The following PUDP variants were observed in gnomAD, a reference collection of about 807,000 sequenced individuals.
PUDP encodes pseudouridine 5'-phosphatase.
PUDP carries 8 observed loss-of-function variants against 9.4 expected under a neutral mutation model. The observed-to-expected ratio is 0.85, with a 90% CI of 0.50 to 1.53. PUDP has a LOEUF of 1.53. Ranked by LOEUF, PUDP falls within the 40% of genes most tolerant of loss-of-function variation. The pLI is 0.00. For synonymous variants in PUDP, 99 were observed against 80.7 expected, an observed-to-expected ratio of 1.23 and a Z score of -1.22; for missense variants, 188 against 189.7, an observed-to-expected ratio of 0.99 and a Z score of 0.05.
At chrX:6,822,520 G>A (rs749887103) in intron 3 of PUDP, among the ~76,000 whole-genome samples, 1 of 111,452 alleles carries the variant, frequency 9.0e-6, no homozygotes, top group Non-Finnish European at 1.9e-5. Context: ...TCCGCCTCCC[G>A]GGTTCAAGCT....
At chrX:6,845,338 T>C (rs73627094) in intron 3 of PUDP, among the ~76,000 whole-genome samples, 98 of 111,662 alleles carry the variant, frequency 8.8e-4, no homozygotes, top group African/African-American at 3.1e-3. Context: ...GTGAAAACAA[T>C]CTCTCTGACC....
At chrX:6,858,322 CTTTTTTTTTTTTCTTTT>C (rs1162706259) in intron 3 of PUDP, among the ~76,000 whole-genome samples, 4 of 89,468 alleles carry the variant, frequency 4.5e-5, no homozygotes, top group Non-Finnish European at 8.8e-5. Context: ...TTTTTTCTTT[CTTTTTTTTTTTTCTTTT>C]TTTTTTTTGA....
chrX:6,857,065 G>A (rs981060356), intron 3 of PUDP, among the ~76,000 whole-genome samples: 11 of 112,556 alleles, frequency 9.8e-5, no homozygotes, highest in Non-Finnish European at 1.3e-4. Context: ...GTTCCATACC[G>A]ATGTGTTTAG....
intron 3 of PUDP, among the ~76,000 whole-genome samples, chrX:6,745,583 GT>G (rs747603335): frequency 8.9e-6 from 1 of 111,792 alleles, no homozygotes; most frequent in Non-Finnish European, 1.9e-5. Flanking sequence ...TGGCCAGTGG[GT>G]TTTTTTCAAA....
At chrX:6,773,254 G>A (rs1042120917) in intron 3 of PUDP, among the ~76,000 whole-genome samples, 3 of 112,184 alleles carry the variant, frequency 2.7e-5, no homozygotes, top group Non-Finnish European at 5.6e-5. Context: ...AAAGAGCCAT[G>A]CTATCAGGGG....
intron 1 of PUDP, among the ~76,000 whole-genome samples, chrX:7,019,462 G>T (rs1229162090): frequency 8.9e-6 from 1 of 112,042 alleles, no homozygotes; most frequent in Non-Finnish European, 1.9e-5. Flanking sequence ...GATAAATTCT[G>T]CATGGAGGCA....
chrX:6,831,695 T>C (rs1364297052), intron 3 of PUDP, among the ~76,000 whole-genome samples: 2 of 112,437 alleles, frequency 1.8e-5, no homozygotes, highest in African/African-American at 6.5e-5. Context: ...ATGAAAATAA[T>C]CAATATGTAT....
chrX:6,741,838 CTTTCTTTCTTTCTT>C (rs758848766), intron 3 of PUDP, among the ~76,000 whole-genome samples: 5,166 of 104,254 alleles, frequency 0.05, 146 homozygotes, highest in African/African-American at 0.081. Flanking sequence ...CTCTTTCTTT[CTTTCTTTCTTTCTT>C]TTTCTTTCTT....
chrX:6,803,070 A>AAT (rs1273644839), intron 3 of PUDP, among the ~76,000 whole-genome samples: 1 of 79,148 alleles, frequency 1.3e-5, no homozygotes. Context: ...TATAAAATAA[A>AAT]ATAAAATAAA....
chrX:6,868,818 C>T (rs1041439246), intron 3 of PUDP, among the ~76,000 whole-genome samples: 2 of 111,941 alleles, frequency 1.8e-5, no homozygotes, highest in Admixed American at 9.5e-5. Flanking sequence ...GAGCCACCAG[C>T]CTGGTGTTAG....
At chrX:6,837,194 G>C (rs1437216242) in intron 3 of PUDP, among the ~76,000 whole-genome samples, 1 of 112,308 alleles carries the variant, frequency 8.9e-6, no homozygotes. Flanking sequence ...TTGCCGTGAC[G>C]ATCCTCCCTG....
intron 2 of PUDP, among the ~76,000 whole-genome samples, chrX:7,091,340 T>G (rs1220468808): frequency 9.0e-6 from 1 of 111,511 alleles, no homozygotes; most frequent in African/African-American, 3.3e-5. Flanking sequence ...TTAACTGGAC[T>G]TTTTATTCGT....
intron 3 of PUDP, among the ~76,000 whole-genome samples, chrX:7,055,249 C>T (rs1249708955): frequency 2.3e-4 from 25 of 109,514 alleles, no homozygotes; most frequent in African/African-American, 7.6e-4. Context: ...TATTTATTTT[C>T]TTTTTTTTTT....
chrX:6,973,280 G>A (rs1490799104), intron 3 of PUDP, among the ~76,000 whole-genome samples: 1 of 111,467 alleles, frequency 9.0e-6, no homozygotes, highest in Non-Finnish European at 1.9e-5. Flanking sequence ...TGCTTCTCTA[G>A]TTCTTTTCAT....
chrX:6,903,952 A>AT lies in PUDP; in HGVS notation c.*247+73180dup, dbSNP rs1194475715. ...CCCCAAGTTTAAAAAATATATATAT[A>AT]TTTATTTTTTTTTTTTTGAGATGGA... On this transcript the variant is annotated intron_variant and NMD_transcript_variant, in intron 3 of 3. Coordinates refer to the PUDP transcript ENST00000655425. Among the ~76,000 whole-genome samples the AT allele has an allele frequency of 8.7e-5, 7 of 80,344 alleles. No homozygotes were observed. The East Asian group carries it at 1.3e-3, about 15-fold the overall frequency. 69.8% of individuals were successfully genotyped at this position (80,344 alleles called of 115,157 possible). A position where few individuals can be genotyped will look rare whatever the true frequency, so the allele number is the denominator to read the frequency against.
chrX:6,842,946 C>A (rs945791622), intron 3 of PUDP, among the ~76,000 whole-genome samples: 1 of 112,184 alleles, frequency 8.9e-6, no homozygotes, highest in African/African-American at 3.2e-5. Context: ...TGCTTTTATT[C>A]CCGTGTCAAA....
intron 3 of PUDP, among the ~76,000 whole-genome samples, chrX:6,759,811 A>C (rs141538599): frequency 2.8e-3 from 315 of 111,821 alleles, no homozygotes; most frequent in Non-Finnish European, 4.8e-3. Context: ...CTGGCCTTAT[A>C]GTGTTTGTTT....
intron 2 of PUDP, among the ~76,000 whole-genome samples, chrX:7,078,727 A>G (rs1930991705): frequency 8.9e-6 from 1 of 112,571 alleles, no homozygotes; most frequent in African/African-American, 3.2e-5. Flanking sequence ...ATTCAGGATA[A>G]GGTAACAGAT....
intron 2 of PUDP, among the ~76,000 whole-genome samples, chrX:7,078,875 T>C (rs1930997482): frequency 9.0e-6 from 1 of 111,361 alleles, no homozygotes; most frequent in Admixed American, 9.6e-5. Context: ...ATTCATAGTG[T>C]CTAACATTCA....
Sources: gnomAD v4.1 joint callset for allele counts (sites outside exome capture counted in the v4.1 genomes callset) on GRCh38, gnomAD v4.1.1 for gene constraint, MANE v1.5 for transcripts, NCBI Gene and HGNC (gene_info 2026-07-23, HGNC 2026-07-21) for gene names.